Variants in ZNF236 observed in about 807,000 individuals in gnomAD.
ZNF236 encodes the protein regulated by glucose.
ZNF236 carries 50 observed loss-of-function variants against 191.2 expected under a neutral mutation model. The ratio of observed to expected loss-of-function variants is 0.26; its 90% CI spans 0.21 to 0.33. The LOEUF (loss-of-function observed/expected upper bound fraction) is 0.33. ZNF236 is among the 10% of genes least tolerant of loss of function. The pLI is 1.00. For missense variants in ZNF236, 1,754 were observed against 2,374.5 expected (o/e 0.74, Z 5.43); for synonymous variants, 907 against 928.8 (o/e 0.98, Z 0.43).
At chr18:76,947,485 G>A (rs924947131) in intron 26 of ZNF236, 36 bp from the exon 27 acceptor site, 1 of 1,593,150 alleles carries the variant, frequency 6.3e-7, no homozygotes, top group Non-Finnish European at 8.5e-7. Context: ...TTTTGCTAAA[G>A]TTACAACTTC....
At position 76,851,757 on chromosome 18, in the gene ZNF236, A is replaced by G. The variant is rs368983636; in HGVS notation, c.199-18A>G. On this transcript the variant is annotated intron_variant, in intron 2 of 30. Coordinates refer to ENST00000320610, the MANE Select transcript of ZNF236 (RefSeq NM_001306089.2). ...AAGATTGTATTTCAGTGGCTTCTTC[A>G]CTTTTCTCTCCAAATAGCCACATCG... 220 of 1,594,506 alleles carry G rather than the reference A, an allele frequency of 1.4e-4. 1 individual carries two copies. Among genetic ancestry groups the G allele is most frequent in the South Asian group, 5.8e-4 (50 of 86,912 alleles).
intron 11 of ZNF236, among the ~76,000 whole-genome samples, chr18:76,902,953 C>T (rs1599379621): frequency 6.6e-6 from 1 of 152,076 alleles, no homozygotes; most frequent in African/African-American, 2.4e-5. Context: ...CTGTCAAGCA[C>T]AGGGTGGTGT....
chr18:76,829,432 A>G (rs532949070), intron 1 of ZNF236, among the ~76,000 whole-genome samples: 1 of 150,982 alleles, frequency 6.6e-6, no homozygotes, highest in African/African-American at 2.4e-5. Flanking sequence ...GACTCAAGCC[A>G]TCCTCTCACT....
chr18:76,868,383 G>C (rs7232564), intron 3 of ZNF236, among the ~76,000 whole-genome samples: 32,059 of 152,140 alleles, frequency 0.21, 3,719 homozygotes, highest in Middle Eastern at 0.29. Context: ...CGGACCCAGT[G>C]CCATTACCCA....
intron 3 of ZNF236, among the ~76,000 whole-genome samples, chr18:76,861,319 A>G (rs540789608): frequency 6.6e-6 from 1 of 152,116 alleles, no homozygotes; most frequent in African/African-American, 2.4e-5. Flanking sequence ...CTTCTGAACC[A>G]TGGTTTACAG....
intron 20 of ZNF236, among the ~76,000 whole-genome samples, chr18:76,920,718 C>G (rs774307198): frequency 5.3e-5 from 8 of 152,132 alleles, no homozygotes; most frequent in Non-Finnish European, 2.9e-5. Context: ...CTGAGGCCTG[C>G]CAGTCAGTGT....
intron 9 of ZNF236, among the ~76,000 whole-genome samples, chr18:76,891,625 G>A (rs1977234607): frequency 6.6e-6 from 1 of 152,130 alleles, no homozygotes; most frequent in Non-Finnish European, 1.5e-5. Flanking sequence ...CAATCCTCCT[G>A]CCTTGGCCTC....
rs757892171 is a variant in ZNF236, at chr18:76,915,743, A to G, written c.3158A>G (p.Tyr1053Cys). Residue 1053 changes from tyrosine to cysteine, a missense_variant, in exon 19 of 31, where the codon TAT becomes TGT. Physicochemically the swap from Tyr to Cys is radical, Grantham distance 194 (BLOSUM62 -2). This residue lies in a region of ZNF236 where 641 missense variants were observed against 869.6 expected (regional missense o/e 0.74). Transcript: ENST00000320610. ...HMATHMSMKP[Y>C]KCPFCEEGFR... ...GCCACACATATGAGCATGAAGCCTTATAAGTGTCCGTTTTGTGAGGAGGGT... is the reference window on the plus strand; with the variant it reads ...GCCACACATATGAGCATGAAGCCTTGTAAGTGTCCGTTTTGTGAGGAGGGT... 13 of 1,614,050 alleles carry G rather than the reference A, an allele frequency of 8.1e-6. No homozygotes were observed. Among genetic ancestry groups the G allele is most frequent in the Non-Finnish European group, 1.0e-5 (12 of 1,180,034 alleles).
chr18:76,827,697 G>T (rs1028628986), intron 1 of ZNF236, among the ~76,000 whole-genome samples: 2 of 152,208 alleles, frequency 1.3e-5, no homozygotes, highest in Non-Finnish European at 2.9e-5. Context: ...CCCACTGAAA[G>T]AATATTTGTT....
chr18:76,837,127 T>TCCCCCCCCCCCCCCCCCCC (rs57114708), intron 1 of ZNF236, among the ~76,000 whole-genome samples: 5 of 37,068 alleles, frequency 1.3e-4, no homozygotes, highest in African/African-American at 2.1e-4. Context: ...CCGCACCCCC[T>TCCCCCCCCCCCCCCCCCCC]CCCCCCCCCC....
intron 28 of ZNF236, among the ~76,000 whole-genome samples, chr18:76,957,487 C>T (rs1044199880): frequency 2.6e-5 from 4 of 152,316 alleles, no homozygotes; most frequent in African/African-American, 4.8e-5. Context: ...GGGAGCCTGT[C>T]GCTTGGCTGC....
At chr18:76,846,032 G>T (rs1392359665) in intron 1 of ZNF236, among the ~76,000 whole-genome samples, 1 of 152,210 alleles carries the variant, frequency 6.6e-6, no homozygotes, top group Non-Finnish European at 1.5e-5. Flanking sequence ...TGGGTATGCT[G>T]TTCCAGCAGG....
At chr18:76,950,844 AG>A (rs957489785) in intron 27 of ZNF236, among the ~76,000 whole-genome samples, 1 of 152,216 alleles carries the variant, frequency 6.6e-6, no homozygotes, top group African/African-American at 2.4e-5. Context: ...TGTATTTCTT[AG>A]TAAGACTTGA....
At chr18:76,952,176 A>G (rs1189532105) in intron 27 of ZNF236, among the ~76,000 whole-genome samples, 1 of 152,230 alleles carries the variant, frequency 6.6e-6, no homozygotes, top group Non-Finnish European at 1.5e-5. Flanking sequence ...TGCTCGAAGC[A>G]GCCTCGCCAC....
rs984068612 is a variant in ZNF236 at position 76,933,895 on chromosome 18, T to C, written c.4595-3261T>C. 4.1e-4 allele frequency among the ~76,000 whole-genome samples: 63 copies of C among 152,180 alleles called. 3 individuals are homozygous for C. The highest frequency in any genetic ancestry group is 2.9e-5 in the Non-Finnish European group (2 of 68,038). On this transcript the variant is annotated intron_variant, in intron 25 of 30. Coordinates refer to ENST00000320610, the MANE Select transcript of ZNF236 (RefSeq NM_001306089.2). ...TAGTAGTTAGGAGATTGCCTCTTAG[T>C]GAGCAATATTTATCTAGAGTCAAAG...
rs747232128 is a variant in ZNF236, at chr18:76,880,203, G to A, written c.1075G>A (p.Val359Ile). ...SQPSSQAVSDVIQQLLELSEP... is the reference protein window; with the variant it reads ...SQPSSQAVSDIIQQLLELSEP... ...GCCGAGCTCCCAGGCGGTGAGCGAC[G>A]TCATCCAGCAGCTCCTGGAGCTCTC... The change falls in exon 8 of 31, where the codon GTC becomes ATC. Residue 359 changes from valine (V) to isoleucine (I), a missense_variant. Coordinates refer to ENST00000320610, the MANE Select transcript of ZNF236 (RefSeq NM_001306089.2). The surrounding 1 kb of genome is among the most constrained non-coding windows in gnomAD (Gnocchi z 5.0). 2 of 1,614,160 alleles carry A rather than the reference G, an allele frequency of 1.2e-6. No homozygotes were observed. The highest frequency in any genetic ancestry group is 1.7e-6 in the Non-Finnish European group (2 of 1,180,020).
intron 1 of ZNF236, among the ~76,000 whole-genome samples, chr18:76,832,773 G>T (rs910595311): frequency 6.6e-6 from 1 of 151,962 alleles, no homozygotes; most frequent in East Asian, 1.9e-4. Flanking sequence ...AAAACTTGCT[G>T]GGATCTTGAT....
chr18:76,911,466 C>T (rs1018467069), intron 16 of ZNF236, among the ~76,000 whole-genome samples: 2 of 152,214 alleles, frequency 1.3e-5, no homozygotes, highest in African/African-American at 4.8e-5. Context: ...GGAGAACGTA[C>T]TTCTTAGCAG....
chr18:76,847,721 GGCCTCCT>G (rs1213114954), intron 1 of ZNF236, among the ~76,000 whole-genome samples: 3 of 152,022 alleles, frequency 2.0e-5, no homozygotes, highest in Admixed American at 6.5e-5. Flanking sequence ...CACCCGCCTT[GGCCTCCT>G]GCCTCCCAAA....
Sources: allele counts gnomAD v4.1 joint callset (sites outside exome capture counted in the v4.1 genomes callset), GRCh38; gene constraint gnomAD v4.1.1; regional missense constraint gnomAD v4.1.1; non-coding constraint Gnocchi (gnomAD v3.1); transcripts MANE v1.5; gene names NCBI Gene and HGNC (gene_info 2026-07-23, HGNC 2026-07-21).